TP73: variants seen among roughly 807,000 people sequenced by gnomAD.
TP73 encodes the protein tumor protein p73.
TP73 carries 25 observed loss-of-function variants against 62.5 expected under a neutral mutation model. The observed-to-expected ratio is 0.40, with a 90% CI of 0.29 to 0.56. The LOEUF (loss-of-function observed/expected upper bound fraction) is 0.56. TP73 is among the 20% of genes least tolerant of loss of function. The pLI is 0.46. For synonymous variants in TP73, 423 were observed against 377.5 expected, an observed-to-expected ratio of 1.12 and a Z score of -1.40; for missense variants, 754 against 913.3, an observed-to-expected ratio of 0.83 and a Z score of 2.25.
At chr1:3,717,770 G>A (rs1640728863) in intron 4 of TP73, among the ~76,000 whole-genome samples, 1 of 152,076 alleles carries the variant, frequency 6.6e-6, no homozygotes, top group Non-Finnish European at 1.5e-5. Flanking sequence ...CTTCCCTCCT[G>A]TGGCCACCTG....
intron 2 of TP73, 43 bp from the exon 3 acceptor site, chr1:3,683,017 C>G (rs1428881542): frequency 1.9e-6 from 3 of 1,575,342 alleles, no homozygotes; most frequent in Non-Finnish European, 2.6e-6. Flanking sequence ...GGGTGACACC[C>G]AAACTGGGGA....
intron 11 of TP73, 148 bp downstream of exon 11, chr1:3,730,296 G>A: frequency 7.8e-6 from 8 of 1,020,156 alleles, no homozygotes; most frequent in Non-Finnish European, 9.4e-6. Context: ...TGGGCAGGAG[G>A]CGCAGCCACG....
chr1:3,712,082 G>A (rs1025004977), intron 4 of TP73: 1 of 152,062 alleles, frequency 6.6e-6, no homozygotes, highest in African/African-American at 2.4e-5. Context: ...TAATAGCGGA[G>A]GTGTCCCAAC....
In TP73 at chr1:3,670,343, A is replaced by C. The variant is rs886777838; in HGVS notation, c.-33-11990A>C. ...CTCAAGACTCAAGAGCCCCATGTCC[A>C]GGTGGGGATGTACAGGAGCCCCTTA... On this transcript the variant is annotated intron_variant, in intron 1 of 13. Coordinates refer to ENST00000378295, the MANE Select transcript of TP73 (RefSeq NM_005427.4). The surrounding 1 kb of genome is among the most constrained non-coding windows in gnomAD (Gnocchi z 5.9). 6.6e-6 allele frequency among the ~76,000 whole-genome samples: 1 copy of C among 152,114 alleles called. No individual in the cohort carries two copies. Among genetic ancestry groups the C allele is most frequent in the Non-Finnish European group, 1.5e-5 (1 of 68,010 alleles).
chr1:3,728,996 GAGAGAGAGAGAC>G (rs1641904027), intron 9 of TP73, among the ~76,000 whole-genome samples: 1 of 151,922 alleles, frequency 6.6e-6, no homozygotes, highest in African/African-American at 2.4e-5. Context: ...GAAAGAAAGA[GAGAGAGAGAGAC>G]AGAGAGACAG....
chr1:3,735,561 T>G lies in TP73; in HGVS notation c.*2482T>G, dbSNP rs1199572068. ...GAAGCAGCTGTGAAAGTAGACAGAG[T>G]TGAGACTTCGCCGTGGTCAGGAGAA... On this transcript the variant is annotated 3_prime_UTR_variant, in exon 14 of 14. Coordinates refer to ENST00000378295, the MANE Select transcript of TP73 (RefSeq NM_005427.4). 1 of 152,154 alleles carries G rather than the reference T, an allele frequency of 6.6e-6. No homozygotes were observed. The highest frequency in any genetic ancestry group is 1.5e-5 in the Non-Finnish European group (1 of 68,030). 9.4% of individuals were successfully genotyped at this position (152,154 alleles called of 1,614,324 possible).
chr1:3,701,764 C>T lies in TP73; in HGVS notation c.187-5785C>T, dbSNP rs1420487191. Reference sequence around the variant, plus strand: ...CCTCAGGTGATCCGCCTGCCTCGTCCTCCCAAATTGCTGGGATGACAGGCA... The same window carrying T: ...CCTCAGGTGATCCGCCTGCCTCGTCTTCCCAAATTGCTGGGATGACAGGCA... On this transcript the variant is annotated intron_variant, in intron 3 of 13. Transcript: ENST00000378295. This position sits in a 1 kb window ranked among gnomAD's most constrained non-coding sequence, Gnocchi z 4.7. Among the ~76,000 whole-genome samples the T allele has an allele frequency of 2.0e-5, 3 of 152,218 alleles. No homozygotes were observed. The highest frequency in any genetic ancestry group is 6.5e-5 in the Admixed American group (1 of 15,284).
At chr1:3,704,534 G>T (rs887642361) in intron 3 of TP73, among the ~76,000 whole-genome samples, 1 of 152,222 alleles carries the variant, frequency 6.6e-6, no homozygotes, top group Non-Finnish European at 1.5e-5. Context: ...ACCGGGTGAC[G>T]AAAGAGAACA....
Position 3,707,694 on chromosome 1 carries a change from C to T in TP73, c.332C>T (p.Pro111Leu), listed in dbSNP as rs767485879. ...AGCTCCACCTTCGACACCATGTCGC[C>T]GGCGCCTGTCATCCCCTCCAACACC... ...QPSSTFDTMS[P>L]APVIPSNTDY... The change falls in exon 4 of 14, where the codon CCG (proline) becomes CTG (leucine). Residue 111 changes from proline to leucine, a missense_variant. Pro to Leu is a moderately conservative substitution (Grantham distance 98). Transcript: ENST00000378295. 9.0e-5 allele frequency: 145 copies of T among 1,613,270 alleles called. No individual in the cohort carries two copies. The highest frequency in any genetic ancestry group is 1.1e-4 in the Non-Finnish European group (135 of 1,179,962).
At chr1:3,686,489 G>C (rs1645660011) in intron 3 of TP73, among the ~76,000 whole-genome samples, 1 of 152,186 alleles carries the variant, frequency 6.6e-6, no homozygotes, top group Non-Finnish European at 1.5e-5. Context: ...CCAGGTGCTG[G>C]GTGCTGGCTC....
intron 1 of TP73, among the ~76,000 whole-genome samples, chr1:3,677,758 A>G (rs191849806): frequency 2.0e-5 from 3 of 146,830 alleles, no homozygotes; most frequent in African/African-American, 7.7e-5. Flanking sequence ...CAGTGGTGCA[A>G]TCATGGCTCA....
At chr1:3,681,528 G>A (rs1645520713) in intron 1 of TP73, among the ~76,000 whole-genome samples, 1 of 152,140 alleles carries the variant, frequency 6.6e-6, no homozygotes, top group African/African-American at 2.4e-5. Flanking sequence ...CCAATCCCTG[G>A]GTGTCTCCTT....
intron 1 of TP73, among the ~76,000 whole-genome samples, chr1:3,674,547 G>A (rs1194524240): frequency 6.6e-6 from 1 of 152,222 alleles, no homozygotes; most frequent in East Asian, 1.9e-4. Context: ...AAGCCGTCCT[G>A]GCAACCCTGT....
rs1557534706 is a variant in TP73 at position 3,701,578 on chromosome 1, C to A, written c.187-5971C>A. On this transcript the variant is annotated intron_variant, in intron 3 of 13. Coordinates refer to ENST00000378295, the MANE Select transcript of TP73 (RefSeq NM_005427.4). The surrounding 1 kb of genome is among the most constrained non-coding windows in gnomAD (Gnocchi z 4.7). ...GGAGTGCTGTGGCGTGATCTCAGCT[C>A]ACTGCAACCTCTGCCTCCCGGGTTC... is the stretch of plus-strand genomic sequence containing the variant. Among the ~76,000 whole-genome samples the A allele has an allele frequency of 6.6e-6, 1 of 152,300 alleles. No individual in the cohort carries two copies. The highest frequency in any genetic ancestry group is 1.9e-4 in the East Asian group (1 of 5,182).
At chr1:3,653,875 T>C (rs981608598) in intron 1 of TP73, among the ~76,000 whole-genome samples, 1 of 152,194 alleles carries the variant, frequency 6.6e-6, no homozygotes, top group African/African-American at 2.4e-5. Context: ...GTTTTTAAAA[T>C]AAGATAAAAA....
At position 3,666,231 on chromosome 1, in the gene TP73, A is replaced by G. The variant is rs1252369391; in HGVS notation, c.-34+13590A>G. Among the ~76,000 whole-genome samples, 1 of 151,212 alleles carries G rather than the reference A, an allele frequency of 6.6e-6. No individual in the cohort carries two copies. The highest frequency in any genetic ancestry group is 1.9e-4 in the East Asian group (1 of 5,170). Reference sequence around the variant, plus strand: ...CAGTCACAGCTGACCACAGCCTCCAACTGCTGGGCTCAGGCCATCCTCTTG... The same window carrying G: ...CAGTCACAGCTGACCACAGCCTCCAGCTGCTGGGCTCAGGCCATCCTCTTG... On this transcript the variant is annotated intron_variant, in intron 1 of 13. Coordinates refer to ENST00000378295, the MANE Select transcript of TP73 (RefSeq NM_005427.4). The surrounding 1 kb of genome is among the most constrained non-coding windows in gnomAD (Gnocchi z 6.4).
At chr1:3,652,849 G>C (rs1461594947) in intron 1 of TP73, 2 of 152,332 alleles carry the variant, frequency 1.3e-5, no homozygotes, top group African/African-American at 4.8e-5. Flanking sequence ...AGCGGCCAGA[G>C]TCTAGCCTGC....
At chr1:3,695,866 C>T (rs1380369978) in intron 3 of TP73, among the ~76,000 whole-genome samples, 7 of 152,210 alleles carry the variant, frequency 4.6e-5, no homozygotes, top group Admixed American at 2.6e-4. Flanking sequence ...GCAGCCCCGC[C>T]GGTCAGGTGG....
At chr1:3,668,154 G>A (rs1553131314) in intron 1 of TP73, among the ~76,000 whole-genome samples, 1 of 152,232 alleles carries the variant, frequency 6.6e-6, no homozygotes, top group Non-Finnish European at 1.5e-5. Context: ...TAGGGGTGGG[G>A]GAGGAGGAGT....
Sources: allele counts gnomAD v4.1 joint callset (sites outside exome capture counted in the v4.1 genomes callset), GRCh38; gene constraint gnomAD v4.1.1; non-coding constraint Gnocchi (gnomAD v3.1); transcripts MANE v1.5; gene names NCBI Gene and HGNC (gene_info 2026-07-23, HGNC 2026-07-21).